Variants in ORC3 observed in about 807,000 individuals in gnomAD.
The protein encoded by ORC3 is homolog of latheo, Drosophila.
A neutral mutation model predicts 100.7 loss-of-function variants in ORC3; 78 were observed. That is an observed-to-expected ratio of 0.77 (90% CI 0.65 to 0.94). The LOEUF (loss-of-function observed/expected upper bound fraction) is 0.94. Ranked by LOEUF, ORC3 falls within the 40% of genes least tolerant of loss-of-function variation. The probability of loss-of-function intolerance (pLI) is 0.00; values close to 1 mark genes in which losing one functional copy is unlikely to be tolerated. For missense variants in ORC3, 789 were observed against 823.9 expected, an observed-to-expected ratio of 0.96 and a Z score of 0.52; for synonymous variants, 295 against 289.3, an observed-to-expected ratio of 1.02 and a Z score of -0.20.
chr6:87,621,251 T>C, intron 9 of ORC3, 103 bp from the exon 10 acceptor site: 1 of 739,688 alleles, frequency 1.4e-6, no homozygotes, highest in Non-Finnish European at 2.0e-6. Context: ...GTGCCATAAA[T>C]ACTTTGGCTC....
intron 13 of ORC3, among the ~76,000 whole-genome samples, chr6:87,642,246 T>A (rs1249441062): frequency 6.6e-6 from 1 of 152,002 alleles, no homozygotes; most frequent in East Asian, 1.9e-4. Flanking sequence ...GAGCTGTGAT[T>A]GTACCACTGC....
intron 11 of ORC3, among the ~76,000 whole-genome samples, chr6:87,630,618 T>C (rs1033976854): frequency 5.3e-5 from 8 of 152,138 alleles, no homozygotes; most frequent in African/African-American, 1.9e-4. Context: ...TATCTGTTAG[T>C]GATAAGTGCT....
chr6:87,621,799 T>A (rs927593963), intron 10 of ORC3, 151 bp from the exon 11 acceptor site: 7 of 602,354 alleles, frequency 1.2e-5, no homozygotes, highest in African/African-American at 1.9e-5. Context: ...AAAATTACCA[T>A]TAAACCATAA....
chr6:87,675,405 C>T, the ORC3 span: 1 of 670,246 alleles, frequency 1.5e-6, no homozygotes, highest in Non-Finnish European at 2.6e-6. Context: ...CAAAGGTCCA[C>T]ATCCAGGTGG....
Position 87,622,005 on chromosome 6 carries a change from T to C in ORC3, c.1177T>C (p.Tyr393His), listed in dbSNP as rs1429677451. 5 of 1,603,024 alleles carry C rather than the reference T, an allele frequency of 3.1e-6. No individual in the cohort carries two copies. In the South Asian group the frequency reaches 3.3e-5, roughly 11 times the overall value. The change falls in exon 11 of 20, where the codon TAT becomes CAT. Residue 393 changes from tyrosine (Y) to histidine (H), a missense_variant. Tyr to His is a moderately conservative substitution (Grantham distance 83). Around this residue, in one of 3 missense-constraint regions of ORC3, gnomAD observed 366 missense variants for 394.2 expected, o/e 0.93. Transcript: ENST00000392844. ...KQVALLTNERYLKEETQLLLE... is the reference protein window; with the variant it reads ...KQVALLTNERHLKEETQLLLE... ...AGTTGCGCTCTTGACCAATGAGAGA[T>C]ATTTGAAGGTAGGAATGTGAATGTG...
intron 7 of ORC3, among the ~76,000 whole-genome samples, chr6:87,611,552 C>T (rs540884913): frequency 3.9e-5 from 6 of 152,108 alleles, no homozygotes; most frequent in Non-Finnish European, 8.8e-5. Context: ...TTTGGGAGGC[C>T]GAAGTGGGTG....
At chr6:87,605,824 T>G in intron 4 of ORC3, 93 bp from the exon 5 acceptor site, 6 of 673,062 alleles carry the variant, frequency 8.9e-6, no homozygotes, top group Non-Finnish European at 1.3e-5. Context: ...TTTTTAAATG[T>G]TTTTACTTGT....
At chr6:87,603,997 A>G (rs1476471021) in intron 4 of ORC3, among the ~76,000 whole-genome samples, 1 of 152,196 alleles carries the variant, frequency 6.6e-6, no homozygotes, top group Non-Finnish European at 1.5e-5. Flanking sequence ...TTAATTACCT[A>G]CAAGGAGGTG....
At chr6:87,642,163 G>C (rs1768314224) in intron 13 of ORC3, among the ~76,000 whole-genome samples, 1 of 152,152 alleles carries the variant, frequency 6.6e-6, no homozygotes, top group African/African-American at 2.4e-5. Flanking sequence ...GAGCGTGGTG[G>C]TGCATGCCTA....
the ORC3 span, chr6:87,675,693 AG>A: frequency 6.5e-7 from 1 of 1,548,948 alleles, no homozygotes; most frequent in Non-Finnish European, 8.8e-7. Flanking sequence ...TTTTGCCCCT[AG>A]GTATTTAAGT....
rs192602242 is a variant in ORC3, at chr6:87,662,414, A to G, written c.1692-589A>G. On this transcript the variant is annotated intron_variant, in intron 16 of 19. Transcript: ENST00000392844. ...ACCACTGCACTCCAGTCTGGGTGAC[A>G]AGAGTGAAACTCCGTCTCAAAAAAA... 9.3e-3 allele frequency among the ~76,000 whole-genome samples: 1,412 copies of G among 152,294 alleles called. 13 individuals carry two copies. The highest frequency in any genetic ancestry group is 0.014 in the Non-Finnish European group (957 of 68,022).
rs746035814 is a variant in ORC3, at chr6:87,601,775, T to C, written c.80-9T>C. ...AAAAAGAAACTGACTTATTTCTTTC[T>C]GTTTTTAGAGGACTATTTTAACAAA... On this transcript the variant is annotated splice_polypyrimidine_tract_variant and intron_variant, in intron 2 of 19. Transcript: ENST00000392844. The C allele has an allele frequency of 2.0e-6, 3 of 1,501,384 alleles. No individual in the cohort carries two copies. The highest frequency in any genetic ancestry group is 1.7e-5 in the Admixed American group (1 of 58,332). 93.0% of individuals were successfully genotyped at this position (1,501,384 alleles called of 1,614,324 possible).
At chr6:87,595,344 C>A (rs1777353826) in intron 2 of ORC3, 1 of 152,212 alleles carries the variant, frequency 6.6e-6, no homozygotes, top group African/African-American at 2.4e-5. Flanking sequence ...ACTAAGATTT[C>A]TCCCTATTCT....
intron 5 of ORC3, 87 bp downstream of exon 5, chr6:87,606,108 C>T: frequency 2.5e-6 from 2 of 793,226 alleles, no homozygotes; most frequent in Middle Eastern, 3.5e-4. Context: ...TTCTTTATCC[C>T]TTTTTTTGGT....
At chr6:87,645,983 T>C (rs1768738390) in intron 13 of ORC3, among the ~76,000 whole-genome samples, 2 of 143,006 alleles carry the variant, frequency 1.4e-5, no homozygotes, top group African/African-American at 5.4e-5. Flanking sequence ...TCTTTTTTTT[T>C]CTTTTTTTTT....
At chr6:87,642,256 C>T (rs894294409) in intron 13 of ORC3, among the ~76,000 whole-genome samples, 3 of 152,128 alleles carry the variant, frequency 2.0e-5, no homozygotes, top group Non-Finnish European at 4.4e-5. Context: ...TGTACCACTG[C>T]ACTCCAGCTT....
At chr6:87,663,592 G>A (rs891517816) in intron 17 of ORC3, among the ~76,000 whole-genome samples, 1 of 152,222 alleles carries the variant, frequency 6.6e-6, no homozygotes. Context: ...AACAAAGAAA[G>A]GTCTATTCTG....
At position 87,621,464 on chromosome 6, in the gene ORC3, C is replaced by G. The variant is rs1246557652; in HGVS notation, c.1098C>G (p.Ile366Met). 6.3e-7 allele frequency: 1 copy of G among 1,593,904 alleles called. No homozygotes were observed. Among genetic ancestry groups the G allele is most frequent in the South Asian group, 1.1e-5 (1 of 87,500 alleles). The change falls in exon 10 of 20, where the codon ATC becomes ATG. Residue 366 changes from isoleucine to methionine, a missense_variant. Ile to Met is a conservative substitution (Grantham distance 10). Transcript: ENST00000392844. ...TATCAAATAATCAATGTGAAAACAT[C>G]CGACGTCTACCATCTTTTAGGAGGT... ...NFLSNNQCEN[I>M]RRLPSFRRYV...
intron 11 of ORC3, among the ~76,000 whole-genome samples, chr6:87,625,353 A>G (rs868230668): frequency 6.6e-6 from 1 of 152,292 alleles, no homozygotes; most frequent in African/African-American, 2.4e-5. Context: ...TCTCTCCAGT[A>G]TCTGTTGTTC....
Sources: gnomAD v4.1 joint callset for allele counts (sites outside exome capture counted in the v4.1 genomes callset) on GRCh38, gnomAD v4.1.1 for gene constraint, gnomAD v4.1.1 regional missense constraint, MANE v1.5 for transcripts, NCBI Gene and HGNC (gene_info 2026-07-23, HGNC 2026-07-21) for gene names.